Variants in COL5A3 observed in about 807,000 individuals in gnomAD.
COL5A3 encodes the protein collagen type V alpha 3 chain.
Under a neutral mutation model 250.0 loss-of-function variants are expected in COL5A3, and 172 were observed. That is an observed-to-expected ratio of 0.69 (90% CI 0.61 to 0.78). COL5A3 has a LOEUF of 0.78. Among genes scored for constraint, COL5A3 ranks in the 30% least tolerant of loss-of-function variants. The pLI is 0.00. For synonymous variants in COL5A3, 937 were observed against 900.4 expected (o/e 1.04, Z -0.73); for missense variants, 2,340 against 2,334.4 (o/e 1.00, Z -0.05).
intron 48 of COL5A3, 53 bp from the exon 49 acceptor site, chr19:9,973,862 TC>T: frequency 6.2e-7 from 1 of 1,608,186 alleles, no homozygotes; most frequent in Non-Finnish European, 8.5e-7. Context: ...AACATCCTCT[TC>T]TTAGGAAATG....
At chr19:9,991,972 G>A in intron 22 of COL5A3, 32 bp downstream of exon 22, 1 of 1,600,436 alleles carries the variant, frequency 6.2e-7, no homozygotes, top group Non-Finnish European at 8.6e-7. Context: ...AGTGTCAGAA[G>A]GGTCAGAGGT....
At chr19:9,964,429 C>A (rs2086710270) in intron 64 of COL5A3, among the ~76,000 whole-genome samples, 3 of 152,002 alleles carry the variant, frequency 2.0e-5, no homozygotes, top group Admixed American at 6.6e-5. Flanking sequence ...GTGAGACCCT[C>A]ATCTCTATAA....
chr19:10,003,789 G>A, intron 5 of COL5A3, 75 bp from the exon 6 acceptor site: 1 of 1,583,050 alleles, frequency 6.3e-7, no homozygotes, highest in Non-Finnish European at 8.6e-7. Flanking sequence ...CCTGGGGTGA[G>A]GCTGGCTCAT....
Position 9,963,624 on chromosome 19 carries a change from C to T in COL5A3, c.4783-737G>A, listed in dbSNP as rs181686040. 4.0e-3 allele frequency among the ~76,000 whole-genome samples: 607 copies of T among 150,926 alleles called. 3 individuals carry two copies. Among genetic ancestry groups the T allele is most frequent in the African/African-American group, 0.015 (599 of 40,906 alleles). On this transcript the variant is annotated intron_variant, in intron 64 of 66. Coordinates refer to ENST00000264828, the MANE Select transcript of COL5A3 (RefSeq NM_015719.4). ...CCCAGGCTGGTCTTGAACTCCTGGG[C>T]TCAAGCGATCCTCCCACCTCAGCCT...
intron 22 of COL5A3, 31 bp downstream of exon 22, chr19:9,991,973 G>A (rs773745266): frequency 8.1e-6 from 13 of 1,600,204 alleles, no homozygotes; most frequent in Non-Finnish European, 1.1e-5. Context: ...GTGTCAGAAG[G>A]GTCAGAGGTC....
At chr19:9,999,469 CTTTTTTTTTT>C (rs530527039) in intron 8 of COL5A3, among the ~76,000 whole-genome samples, 7 of 120,400 alleles carry the variant, frequency 5.8e-5, no homozygotes, top group Non-Finnish European at 1.1e-4. Flanking sequence ...TTTCTTTTTT[CTTTTTTTTTT>C]TTTTTTGAGA....
Position 9,969,363 on chromosome 19 carries a change from G to A in COL5A3, c.4138C>T (p.Pro1380Ser). Residue 1380 changes from proline (P) to serine (S), a missense_variant, in exon 57 of 67, where the codon CCT becomes TCT. Coordinates refer to ENST00000264828, the MANE Select transcript of COL5A3 (RefSeq NM_015719.4). ...GLLGAPGQMG[P>S]PGPLGPSGLP... ...AAGTCTCTTACCAGGGGGCCAGGAGGGCCCATCTGTCCAGGGGCTCCCAGG... is the reference window on the plus strand; with the variant it reads ...AAGTCTCTTACCAGGGGGCCAGGAGAGCCCATCTGTCCAGGGGCTCCCAGG... 1 of 1,603,234 alleles carries A rather than the reference G, an allele frequency of 6.2e-7. No individual in the cohort carries two copies. The highest frequency in any genetic ancestry group is 8.5e-7 in the Non-Finnish European group (1 of 1,175,822).
At chr19:9,980,490 T>C (rs780236105) in intron 35 of COL5A3, among the ~76,000 whole-genome samples, 158 bp downstream of exon 35, 1 of 152,178 alleles carries the variant, frequency 6.6e-6, no homozygotes, top group African/African-American at 2.4e-5. Context: ...GCTTCCAGCA[T>C]AGGTGGGACT....
intron 41 of COL5A3, among the ~76,000 whole-genome samples, chr19:9,978,358 G>C (rs1049964929): frequency 2.0e-5 from 3 of 151,990 alleles, no homozygotes; most frequent in Admixed American, 2.0e-4. Flanking sequence ...AGAGTAGCTG[G>C]GATTACAGGC....
Position 9,986,854 on chromosome 19 carries a change from A to G in COL5A3, c.2146-96T>C, listed in dbSNP as rs1424096553. ...CTCTAAAGCAGCCAGGATAGTCCCA[A>G]GAGGAGGCTAGGCAGAAGCTGGGAG... On this transcript the variant is annotated intron_variant, in intron 27 of 66. Transcript: ENST00000264828. 2.2e-6 allele frequency: 3 copies of G among 1,374,626 alleles called. No homozygotes were observed. The African/African-American group carries it at 4.4e-5, about 20-fold the overall frequency. The allele number at this position is 1,374,626 out of a possible 1,614,324, so 85.2% of individuals were successfully genotyped here. A position where few individuals can be genotyped will look rare whatever the true frequency, so the allele number is the denominator to read the frequency against.
intron 54 of COL5A3, among the ~76,000 whole-genome samples, chr19:9,970,339 TGAGTGTGTTCTGTGGC>T (rs2086820154): frequency 2.4e-5 from 1 of 41,596 alleles, no homozygotes; most frequent in Non-Finnish European, 4.6e-5. Flanking sequence ...GGTCTGTGGG[TGAGTGTGTTCTGTGGC>T]TGAGTGGGGT....
intron 42 of COL5A3, 56 bp from the exon 43 acceptor site, chr19:9,977,528 T>C (rs115981461): frequency 0.049 from 72,822 of 1,499,410 alleles, 1,999 homozygotes; most frequent in Middle Eastern, 0.06. Flanking sequence ...GCAGGAGCCA[T>C]GTCCTGGGAT....
chr19:9,999,470 T>TTTTC (rs1491356123), intron 8 of COL5A3, among the ~76,000 whole-genome samples: 2 of 42,850 alleles, frequency 4.7e-5, no homozygotes, highest in African/African-American at 3.8e-4. Flanking sequence ...TTCTTTTTTC[T>TTTTC]TTTTTTTTTT....
intron 44 of COL5A3, among the ~76,000 whole-genome samples, 170 bp from the exon 45 acceptor site, chr19:9,976,781 G>C (rs561468582): frequency 6.6e-6 from 1 of 152,120 alleles, no homozygotes; most frequent in Non-Finnish European, 1.5e-5. Flanking sequence ...CAACAGATGG[G>C]ATCAGACAGA....
Position 9,966,676 on chromosome 19 carries a change from T to C in COL5A3, c.4529A>G (p.Glu1510Gly), listed in dbSNP as rs774719655. The C allele has an allele frequency of 2.6e-6, 4 of 1,538,420 alleles. No homozygotes were observed. Among genetic ancestry groups the C allele is most frequent in the Non-Finnish European group, 3.5e-6 (4 of 1,147,590 alleles). ...RFVPVPLPVVEGGLEEVLASL... is the reference protein window; with the variant it reads ...RFVPVPLPVVGGGLEEVLASL... ...GGCCAGCACCTCCTCCAGGCCGCCC[T>C]CCACGACTGGAAGCGGGACTGGGAC... The change falls in exon 63 of 67, where the codon GAG becomes GGG. Residue 1510 changes from glutamate (E) to glycine (G), a missense_variant. Glu to Gly is a moderately conservative substitution (Grantham distance 98). This residue lies in a region of COL5A3 where 1,179 missense variants were observed against 1,162.6 expected (regional missense o/e 1.01). Transcript: ENST00000264828.
At position 10,005,967 on chromosome 19, in the gene COL5A3, T is replaced by G. The variant is rs1178908326; in HGVS notation, c.266A>C (p.Asn89Thr). The G allele has an allele frequency of 1.2e-6, 2 of 1,613,500 alleles. No individual in the cohort carries two copies. Among genetic ancestry groups the G allele is most frequent in the Non-Finnish European group, 1.7e-6 (2 of 1,179,578 alleles). The change falls in exon 3 of 67, where the codon AAC becomes ACC. Residue 89 changes from asparagine to threonine, a missense_variant. Transcript: ENST00000264828. ...ELFPEGHFPE[N>T]FSLLITLRGQ... ...CCGCAAGGTGATCAGCAAGGAGAAG[T>G]TCTCAGGAAAGTGGCCTTCTGGGTG...
chr19:9,997,161 A>C, intron 11 of COL5A3: 1 of 604,206 alleles, frequency 1.7e-6, no homozygotes, highest in Admixed American at 2.9e-5. Flanking sequence ...GAGACAGGCA[A>C]AAGAAGAAAA....
rs373625952 is a variant in COL5A3, at chr19:9,982,400, C to T, written c.2407-282G>A. 8.5e-4 allele frequency among the ~76,000 whole-genome samples: 130 copies of T among 152,334 alleles called. No homozygotes were observed. In the Middle Eastern group the frequency reaches 0.037, roughly 44 times the overall value. On this transcript the variant is annotated intron_variant, in intron 31 of 66. Coordinates refer to ENST00000264828, the MANE Select transcript of COL5A3 (RefSeq NM_015719.4). ...CAGCCACTCCTGACCATTTAGATCT[C>T]ATTCAGATGTCACCTCCTTAGAATG...
rs147862957 is a variant in COL5A3 at position 9,996,617 on chromosome 19, G to T, written c.1336C>A (p.Pro446Thr). ...GGGCCACTCCATCTCCTTCTTACCG[G>T]CATCATGATCACAGTGCCCGGTGGG... ...RGPPGTVIMM[P>T]FQFAGGSFKG... Residue 446 changes from proline to threonine, a missense_variant and splice_region_variant, in exon 12 of 67, where the codon CCG (proline) becomes ACG (threonine). By Grantham distance (38) the Pro-to-Thr change is conservative. Coordinates refer to ENST00000264828, the MANE Select transcript of COL5A3 (RefSeq NM_015719.4). 2 of 1,613,800 alleles carry T rather than the reference G, an allele frequency of 1.2e-6. No homozygotes were observed. Among genetic ancestry groups the T allele is most frequent in the Non-Finnish European group, 1.7e-6 (2 of 1,179,896 alleles).
Sources: allele counts gnomAD v4.1 joint callset (sites outside exome capture counted in the v4.1 genomes callset), GRCh38; gene constraint gnomAD v4.1.1; regional missense constraint gnomAD v4.1.1; transcripts MANE v1.5; gene names NCBI Gene and HGNC (gene_info 2026-07-23, HGNC 2026-07-21).